EPM2A: variants seen among roughly 807,000 people sequenced by gnomAD.
EPM2A encodes the protein laforin.
EPM2A carries 21 observed loss-of-function variants against 26.5 expected under a neutral mutation model. That is an observed-to-expected ratio of 0.79 (90% CI 0.56 to 1.14). The LOEUF is 1.14. Among genes scored for constraint, EPM2A ranks in the 50% most tolerant of loss-of-function variants. The pLI is 0.00. For missense variants in EPM2A, 458 were observed against 440.8 expected (o/e 1.04, Z -0.35); for synonymous variants, 217 against 177.6 (o/e 1.22, Z -1.76).
intron 4 of EPM2A, among the ~76,000 whole-genome samples, chr6:145,399,113 C>G (rs1415665662): frequency 6.6e-6 from 1 of 152,008 alleles, no homozygotes; most frequent in Admixed American, 6.6e-5. Context: ...TAAAATTTGT[C>G]CCTATTATGC....
intron 1 of EPM2A, chr6:145,705,833 T>G: frequency 2.2e-6 from 1 of 455,760 alleles, no homozygotes; most frequent in South Asian, 1.6e-5. Flanking sequence ...AGAACAATCT[T>G]CCCCTGGGGA....
chr6:145,463,454 ATATG>A (rs1217560102), intron 4 of EPM2A: 1 of 152,122 alleles, frequency 6.6e-6, no homozygotes. Context: ...ATATATTTAT[ATATG>A]TGTGTGTAAA....
At chr6:145,722,469 A>C (rs1175907427) in intron 1 of EPM2A, among the ~76,000 whole-genome samples, 1 of 152,174 alleles carries the variant, frequency 6.6e-6, no homozygotes, top group Non-Finnish European at 1.5e-5. Flanking sequence ...ACTTCTCCCT[A>C]ATAAGTTCTA....
chr6:145,648,481 C>A (rs1006568969), intron 2 of EPM2A, among the ~76,000 whole-genome samples: 1 of 152,164 alleles, frequency 6.6e-6, no homozygotes, highest in Non-Finnish European at 1.5e-5. Context: ...TGGACCATAA[C>A]CATAAGTTCC....
intron 1 of EPM2A, among the ~76,000 whole-genome samples, chr6:145,708,833 T>TTG (rs1394931624): frequency 6.6e-6 from 1 of 152,216 alleles, no homozygotes; most frequent in Non-Finnish European, 1.5e-5. Context: ...GCTTGCACTG[T>TTG]GTGCCTAGAA....
At position 145,425,884 on chromosome 6, in the gene EPM2A, T is replaced by A. The variant is rs142109524; in HGVS notation, c.556-41787A>T. Among the ~76,000 whole-genome samples the A allele has an allele frequency of 3.3e-3, 509 of 152,310 alleles. 6 individuals are homozygous for A. Among genetic ancestry groups the A allele is most frequent in the African/African-American group, 0.011 (478 of 41,566 alleles). On this transcript the variant is annotated intron_variant, in intron 4 of 4. Transcript: ENST00000638717. ...AGTGAACTTAGGTATTACTATTAGA[T>A]ACTTTCTCCACCAAGTCTCAATGTG...
intron 4 of EPM2A, among the ~76,000 whole-genome samples, chr6:145,417,099 G>A (rs1778719018): frequency 6.6e-6 from 1 of 152,148 alleles, no homozygotes; most frequent in African/African-American, 2.4e-5. Flanking sequence ...TTCCAGGGAA[G>A]CTTAGGAAGC....
intron 4 of EPM2A, among the ~76,000 whole-genome samples, chr6:145,432,287 C>A (rs1778932185): frequency 6.6e-6 from 1 of 152,092 alleles, no homozygotes; most frequent in Non-Finnish European, 1.5e-5. Flanking sequence ...TTACAACTTA[C>A]TTTGTCCAGA....
intron 4 of EPM2A, among the ~76,000 whole-genome samples, chr6:145,401,898 A>G (rs772304090): frequency 4.1e-4 from 62 of 152,268 alleles, no homozygotes; most frequent in Non-Finnish European, 7.4e-4. Flanking sequence ...AGTCAATGCT[A>G]ATATAAATAA....
At chr6:145,459,489 A>G (rs1300485217) in intron 4 of EPM2A, among the ~76,000 whole-genome samples, 2 of 152,242 alleles carry the variant, frequency 1.3e-5, no homozygotes, top group Non-Finnish European at 2.9e-5. Flanking sequence ...GTAACTTTCC[A>G]ATCAACTCAA....
At chr6:145,534,308 T>G (rs1342558494) in intron 2 of EPM2A, among the ~76,000 whole-genome samples, 2 of 152,176 alleles carry the variant, frequency 1.3e-5, no homozygotes, top group South Asian at 4.1e-4. Context: ...TTACCTTGAG[T>G]GAAAATGAGA....
intron 2 of EPM2A, among the ~76,000 whole-genome samples, chr6:145,595,483 T>C (rs1781330413): frequency 8.4e-6 from 1 of 118,494 alleles, no homozygotes; most frequent in Admixed American, 7.5e-5. Context: ...AGAAAAAATT[T>C]ATATTGATTT....
chr6:145,719,074 C>T (rs1245081528), intron 1 of EPM2A, among the ~76,000 whole-genome samples: 2 of 152,054 alleles, frequency 1.3e-5, no homozygotes, highest in African/African-American at 2.4e-5. Flanking sequence ...CGATTCCTCA[C>T]GGATCTAGAA....
At chr6:145,587,398 G>A (rs576201885) in intron 2 of EPM2A, among the ~76,000 whole-genome samples, 2 of 152,202 alleles carry the variant, frequency 1.3e-5, no homozygotes, top group Non-Finnish European at 2.9e-5. Flanking sequence ...CATGCAGGAA[G>A]AGGAAGAGTG....
At chr6:145,673,546 C>T (rs1168362936) in intron 2 of EPM2A, among the ~76,000 whole-genome samples, 7 of 152,148 alleles carry the variant, frequency 4.6e-5, no homozygotes, top group Non-Finnish European at 1.0e-4. Flanking sequence ...ACAGACTGTA[C>T]CTGGAAAAAC....
intron 2 of EPM2A, among the ~76,000 whole-genome samples, chr6:145,546,257 A>G (rs1780581871): frequency 6.6e-6 from 1 of 152,182 alleles, no homozygotes; most frequent in African/African-American, 2.4e-5. Flanking sequence ...GTTCCAGAGT[A>G]CAAAGTCTGG....
At chr6:145,521,985 C>T (rs1240917250) in intron 2 of EPM2A, among the ~76,000 whole-genome samples, 3 of 152,192 alleles carry the variant, frequency 2.0e-5, no homozygotes, top group African/African-American at 7.2e-5. Flanking sequence ...CGGAGTCTCC[C>T]TCTGTCGCCC....
At chr6:145,578,648 A>G (rs1781069639) in intron 2 of EPM2A, among the ~76,000 whole-genome samples, 1 of 152,184 alleles carries the variant, frequency 6.6e-6, no homozygotes, top group African/African-American at 2.4e-5. Context: ...TATTCCAAAA[A>G]ATTTAGCAGG....
chr6:145,407,636 A>G (rs1305066118), intron 4 of EPM2A, among the ~76,000 whole-genome samples: 1 of 152,190 alleles, frequency 6.6e-6, no homozygotes, highest in African/African-American at 2.4e-5. Context: ...CAGCTTTTTC[A>G]AAGTTATGAG....
Sources: gnomAD v4.1 joint callset for allele counts (sites outside exome capture counted in the v4.1 genomes callset) on GRCh38, gnomAD v4.1.1 for gene constraint, MANE v1.5 for transcripts, NCBI Gene and HGNC (gene_info 2026-07-23, HGNC 2026-07-21) for gene names.